SLC12A6: variants seen among roughly 807,000 people sequenced by gnomAD.
The protein encoded by SLC12A6 is solute carrier family 12 member 6.
Under a neutral mutation model 135.3 loss-of-function variants are expected in SLC12A6, and 66 were observed. The ratio of observed to expected loss-of-function variants is 0.49; its 90% CI spans 0.40 to 0.60. The LOEUF is 0.60. Among genes scored for constraint, SLC12A6 ranks in the 20% least tolerant of loss-of-function variants. The probability of loss-of-function intolerance (pLI) is 0.00; values close to 1 mark genes in which losing one functional copy is unlikely to be tolerated. For missense variants in SLC12A6, 1,058 were observed against 1,452.3 expected (o/e 0.73, Z 4.41); for synonymous variants, 513 against 508.8 (o/e 1.01, Z -0.11).
intron 2 of SLC12A6, among the ~76,000 whole-genome samples, chr15:34,324,613 T>TG (rs1181629326): frequency 1.4e-5 from 2 of 145,788 alleles, no homozygotes; most frequent in African/African-American, 5.2e-5. Flanking sequence ...AACCCATTTA[T>TG]TAAAAAAAAA....
chr15:34,255,752 C>G (rs1320181376), intron 7 of SLC12A6, among the ~76,000 whole-genome samples: 1 of 151,536 alleles, frequency 6.6e-6, no homozygotes, highest in African/African-American at 2.4e-5. Context: ...GAGAGGATTG[C>G]TTGAGGCCAG....
intron 17 of SLC12A6, 66 bp from the exon 18 acceptor site, chr15:34,241,403 GT>G (rs1338937478): frequency 9.4e-6 from 8 of 854,218 alleles, no homozygotes; most frequent in African/African-American, 6.8e-5. Context: ...AAAAAATAAA[GT>G]TTTTTTCTGA....
intron 2 of SLC12A6, among the ~76,000 whole-genome samples, chr15:34,310,216 TCCAGG>T (rs956831690): frequency 7.7e-5 from 11 of 142,870 alleles, no homozygotes; most frequent in Non-Finnish European, 1.5e-4. Context: ...TGTCCCTGTG[TCCAGG>T]CTAGTGTTGA....
At chr15:34,257,261 C>T (rs2705349) in intron 6 of SLC12A6, among the ~76,000 whole-genome samples, 131,763 of 152,216 alleles carry the variant, frequency 0.87, 59,592 homozygotes, top group East Asian at 1. Context: ...CCCTCACATC[C>T]GCAATAACCT....
At chr15:34,328,796 T>C (rs962600474) in intron 2 of SLC12A6, among the ~76,000 whole-genome samples, 5 of 152,118 alleles carry the variant, frequency 3.3e-5, no homozygotes, top group Admixed American at 6.6e-5. Flanking sequence ...GGTGGGAAGA[T>C]GGCTTGAGCC....
intron 2 of SLC12A6, among the ~76,000 whole-genome samples, chr15:34,305,651 A>G (rs1213289656): frequency 1.3e-5 from 2 of 152,080 alleles, no homozygotes; most frequent in Non-Finnish European, 2.9e-5. Context: ...GGATAAATGG[A>G]GTCAGGTGAT....
chr15:34,312,646 G>C (rs1056604224), intron 2 of SLC12A6, among the ~76,000 whole-genome samples: 2 of 152,184 alleles, frequency 1.3e-5, no homozygotes, highest in African/African-American at 4.8e-5. Flanking sequence ...TTGAAATTAA[G>C]CAGGGTTCTA....
chr15:34,258,663 T>C, intron 5 of SLC12A6, 150 bp downstream of exon 5: 2 of 752,148 alleles, frequency 2.7e-6, no homozygotes, highest in African/African-American at 1.7e-5. Flanking sequence ...ATGTTTTCTT[T>C]GTGCTATGAC....
At position 34,295,342 on chromosome 15, in the gene SLC12A6, T is replaced by G. The variant is rs1392126180; in HGVS notation, c.272-19953A>C. Among the ~76,000 whole-genome samples the G allele has an allele frequency of 2.0e-5, 3 of 152,186 alleles. No homozygotes were observed. The East Asian group carries it at 5.8e-4, about 29-fold the overall frequency. On this transcript the variant is annotated intron_variant, in intron 2 of 25. Transcript: ENST00000354181. The stretch of plus-strand genomic sequence containing the variant: ...TCTACCACATGTTATTAGTGTAACC[T>G]TGGGAAAATGAGTCAATACTTCTTA...
chr15:34,241,279 C>A lies in SLC12A6; in HGVS notation c.2221G>T (p.Ala741Ser). ...GGTCCTTCCTCCAATCGAAGCAAAG[C>A]AAACCGGGCTGCACTGAGGGACAGC... ...RGLSLSAARFALLRLEEGPPH... is the reference protein window; with the variant it reads ...RGLSLSAARFSLLRLEEGPPH... Residue 741 changes from alanine (A) to serine (S), a missense_variant, in exon 18 of 26, where the codon GCT (alanine) becomes TCT (serine). Around this residue, in one of 6 missense-constraint regions of SLC12A6, gnomAD observed 170 missense variants for 297.6 expected, o/e 0.57. Transcript: ENST00000354181. 1 of 1,611,974 alleles carries A rather than the reference C, an allele frequency of 6.2e-7. No homozygotes were observed. Among genetic ancestry groups the A allele is most frequent in the Non-Finnish European group, 8.5e-7 (1 of 1,178,024 alleles).
intron 2 of SLC12A6, among the ~76,000 whole-genome samples, chr15:34,282,180 T>C (rs1894734557): frequency 6.6e-6 from 1 of 152,160 alleles, no homozygotes. Context: ...AGTATATTAA[T>C]AGGGATTTGG....
intron 23 of SLC12A6, 81 bp from the exon 24 acceptor site, chr15:34,236,280 G>T (rs886367874): frequency 5.2e-6 from 5 of 956,730 alleles, no homozygotes; most frequent in African/African-American, 4.8e-5. Context: ...AGCAGTAATG[G>T]GTTATAGTGG....
chr15:34,331,714 A>C (rs1889863367), intron 2 of SLC12A6, among the ~76,000 whole-genome samples: 1 of 152,234 alleles, frequency 6.6e-6, no homozygotes, highest in African/African-American at 2.4e-5. Flanking sequence ...TAAAAACAAA[A>C]TATAGTGATA....
intron 4 of SLC12A6, among the ~76,000 whole-genome samples, chr15:34,259,190 A>G (rs1892946480): frequency 6.6e-6 from 1 of 152,108 alleles, no homozygotes; most frequent in South Asian, 2.1e-4. Flanking sequence ...AAATACAAAA[A>G]TAAGCTGGGT....
Position 34,318,376 on chromosome 15 carries a change from T to A in SLC12A6, c.271+18034A>T, listed in dbSNP as rs28543997. Reference sequence around the variant, plus strand: ...CAGAACTCATTGTGGGGAAAAACAATCCAGTGTGTGAGAAAAGTAAGAGAA... The same window carrying A: ...CAGAACTCATTGTGGGGAAAAACAAACCAGTGTGTGAGAAAAGTAAGAGAA... On this transcript the variant is annotated intron_variant, in intron 2 of 25. Coordinates refer to ENST00000354181, the MANE Select transcript of SLC12A6 (RefSeq NM_001365088.1). Among the ~76,000 whole-genome samples, 5,970 of 152,132 alleles carry A rather than the reference T, an allele frequency of 0.039. 216 individuals carry two copies. The highest frequency in any genetic ancestry group is 0.099 in the African/African-American group (4,088 of 41,492).
chr15:34,333,700 T>C (rs1425332540), intron 2 of SLC12A6, among the ~76,000 whole-genome samples: 1 of 152,124 alleles, frequency 6.6e-6, no homozygotes, highest in Non-Finnish European at 1.5e-5. Context: ...AAAGAAAAAT[T>C]ACTTTGATAG....
At chr15:34,290,996 T>C (rs550163628) in intron 2 of SLC12A6, among the ~76,000 whole-genome samples, 2 of 152,302 alleles carry the variant, frequency 1.3e-5, no homozygotes, top group East Asian at 1.9e-4. Flanking sequence ...AGGTTAATAA[T>C]TGTTATGTGT....
At chr15:34,265,395 C>T (rs1170182369) in intron 3 of SLC12A6, among the ~76,000 whole-genome samples, 1 of 125,888 alleles carries the variant, frequency 7.9e-6, no homozygotes, top group Non-Finnish European at 1.6e-5. Flanking sequence ...AAAACAACAA[C>T]AGCAATTAAA....
rs1007139874 is a variant in SLC12A6 at position 34,233,928 on chromosome 15, G to A, written c.3406C>T (p.Leu1136=). 2 of 1,607,504 alleles carry A rather than the reference G, an allele frequency of 1.2e-6. No individual in the cohort carries two copies. Among genetic ancestry groups the A allele is most frequent in the Non-Finnish European group, 1.7e-6 (2 of 1,174,044 alleles). Residue 1136 remains leucine, a synonymous_variant, in exon 26 of 26, where the codon CTA becomes TTA. Transcript: ENST00000354181. ...TCACTGCCACCACCCCGGACAAGTA[G>A]GACTCGCTCTAGTCCCTCGGTAAGC... ...EVLTEGLERV[L]LVRGGGSEVI...
Sources: allele counts gnomAD v4.1 joint callset (sites outside exome capture counted in the v4.1 genomes callset), GRCh38; gene constraint gnomAD v4.1.1; regional missense constraint gnomAD v4.1.1; transcripts MANE v1.5; gene names NCBI Gene and HGNC (gene_info 2026-07-23, HGNC 2026-07-21).